Variants in OR2T6 observed in about 807,000 individuals in gnomAD.
OR2T6 encodes olfactory receptor 2T6.
For synonymous variants in OR2T6, 174 were observed against 148.0 expected, an observed-to-expected ratio of 1.18 and a Z score of -1.27; for missense variants, 424 against 391.6, an observed-to-expected ratio of 1.08 and a Z score of -0.70.
At chr1:248,385,219 C>G (rs1408138051) in intron 2 of OR2T6, among the ~76,000 whole-genome samples, 1 of 152,108 alleles carries the variant, frequency 6.6e-6, no homozygotes, top group African/African-American at 2.4e-5. Flanking sequence ...ATGTGCTGGC[C>G]AAAACCGAAG....
chr1:248,384,168 C>T (rs551940462), intron 1 of OR2T6, among the ~76,000 whole-genome samples: 2 of 56,850 alleles, frequency 3.5e-5, no homozygotes, highest in African/African-American at 2.3e-4. Flanking sequence ...CCTGAGTGTG[C>T]TCATCCTATC....
intron 1 of OR2T6, among the ~76,000 whole-genome samples, chr1:248,380,925 C>A (rs1361179851): frequency 2.6e-5 from 4 of 151,808 alleles, no homozygotes; most frequent in Non-Finnish European, 5.9e-5. Context: ...TTTATATATA[C>A]TATGTCATTC....
intron 2 of OR2T6, among the ~76,000 whole-genome samples, 171 bp downstream of exon 2, chr1:248,385,035 C>T (rs886791926): frequency 1.3e-5 from 2 of 152,190 alleles, no homozygotes; most frequent in South Asian, 4.1e-4. Flanking sequence ...CCTTCAAGAA[C>T]CTCCTTTGTT....
In OR2T6 at chr1:248,389,432, T is replaced by C. The variant is rs1661212071; in HGVS notation, c.*897T>C. 2.0e-5 allele frequency: 3 copies of C among 152,194 alleles called. No homozygotes were observed. The highest frequency in any genetic ancestry group is 1.9e-4 in the East Asian group (1 of 5,194). The allele number at this position is 152,194 out of a possible 1,614,324, so 9.4% of individuals were successfully genotyped here. A position where few individuals can be genotyped will look rare whatever the true frequency, so the allele number is the denominator to read the frequency against. On this transcript the variant is annotated 3_prime_UTR_variant, in exon 3 of 3. Coordinates refer to ENST00000641644, the MANE Select transcript of OR2T6 (RefSeq NM_001005471.2). ...CTTCTCTATAGCACTGGCTTTTGCA[T>C]TGGATAGCATTGCAAAGTGGGAAGG...
chr1:248,377,090 G>T (rs1660949327), intron 1 of OR2T6, among the ~76,000 whole-genome samples: 1 of 152,184 alleles, frequency 6.6e-6, no homozygotes, highest in Non-Finnish European at 1.5e-5. Context: ...TGTGATGGTT[G>T]GTTGGTCAGA....
chr1:248,388,432 C>T lies in OR2T6; in HGVS notation c.824C>T (p.Ser275Phe), dbSNP rs1480622972. 6.2e-7 allele frequency: 1 copy of T among 1,613,740 alleles called. No individual in the cohort carries two copies. The highest frequency in any genetic ancestry group is 1.1e-5 in the South Asian group (1 of 91,024). Reference sequence around the variant, plus strand: ...ACCCCAATCAAAGATAAGGTCTTCTCTGCCTTTTATACCATCCTCACACCC... The same window carrying T: ...ACCCCAATCAAAGATAAGGTCTTCTTTGCCTTTTATACCATCCTCACACCC... Reference protein sequence around the residue: ...YHTPIKDKVFSAFYTILTPLL... With the variant: ...YHTPIKDKVFFAFYTILTPLL... The change falls in exon 3 of 3, where the codon TCT (serine) becomes TTT (phenylalanine). Residue 275 changes from serine (S) to phenylalanine (F), a missense_variant. By Grantham distance (155) the Ser-to-Phe change is radical (BLOSUM62 -2). Coordinates refer to ENST00000641644, the MANE Select transcript of OR2T6 (RefSeq NM_001005471.2).
intron 2 of OR2T6, among the ~76,000 whole-genome samples, chr1:248,385,317 C>A (rs568368355): frequency 1.3e-5 from 2 of 152,070 alleles, no homozygotes; most frequent in Non-Finnish European, 2.9e-5. Context: ...AAAATTGAAT[C>A]GTTTCTGTGG....
rs1275388906 is a variant in OR2T6, at chr1:248,391,177, A to G, written c.*2642A>G. ...TGCTGATTTGGAAACTTATGTTCAC[A>G]GTAGATTTTTCATACATTCCAAAAC... On this transcript the variant is annotated 3_prime_UTR_variant, in exon 3 of 3. Transcript: ENST00000641644. 6.6e-6 allele frequency: 1 copy of G among 152,214 alleles called. No individual in the cohort carries two copies. Among genetic ancestry groups the G allele is most frequent in the Non-Finnish European group, 1.5e-5 (1 of 68,034 alleles). 9.4% of individuals were successfully genotyped at this position (152,214 alleles called of 1,614,324 possible).
Position 248,388,122 on chromosome 1 carries a change from C to T in OR2T6, c.514C>T (p.His172Tyr). 1 of 1,614,040 alleles carries T rather than the reference C, an allele frequency of 6.2e-7. No homozygotes were observed. Among genetic ancestry groups the T allele is most frequent in the Non-Finnish European group, 8.5e-7 (1 of 1,180,016 alleles). Residue 172 changes from histidine (H) to tyrosine (Y), a missense_variant, in exon 3 of 3, where the codon CAC (histidine) becomes TAC (tyrosine). Physicochemically the swap from His to Tyr is moderately conservative, Grantham distance 83. Coordinates refer to ENST00000641644, the MANE Select transcript of OR2T6 (RefSeq NM_001005471.2). ...ITMSLPFCAS[H>Y]QINHFFCEAP... ...CATGAGTCTCCCGTTCTGTGCCTCTCACCAAATCAATCACTTTTTCTGTGA... is the reference window on the plus strand; with the variant it reads ...CATGAGTCTCCCGTTCTGTGCCTCTTACCAAATCAATCACTTTTTCTGTGA...
Position 248,387,648 on chromosome 1 carries a change from C to T in OR2T6, c.40C>T (p.Leu14Phe). The change falls in exon 3 of 3, where the codon CTC (leucine) becomes TTC (phenylalanine). Residue 14 changes from leucine to phenylalanine, a missense_variant. Physicochemically the swap from Leu to Phe is conservative, Grantham distance 22 (BLOSUM62 0). Transcript: ENST00000641644. ...NNETLTRGFTLMGLFTHNKCS... is the reference protein window; with the variant it reads ...NNETLTRGFTFMGLFTHNKCS... Reference sequence around the variant, plus strand: ...TGAAACCTTGACCAGAGGCTTTACCCTCATGGGGCTCTTCACTCACAATAA... The same window carrying T: ...TGAAACCTTGACCAGAGGCTTTACCTTCATGGGGCTCTTCACTCACAATAA... The T allele has an allele frequency of 6.2e-7, 1 of 1,610,076 alleles. No homozygotes were observed. The highest frequency in any genetic ancestry group is 8.5e-7 in the Non-Finnish European group (1 of 1,176,918).
At position 248,388,536 on chromosome 1, in the gene OR2T6, G is replaced by A. The variant is rs1661191981; in HGVS notation, c.*1G>A. The stretch of plus-strand genomic sequence containing the variant: ...GAAGAGAGTTGTGGCAAGATGTTAG[G>A]GGACATGTGGTGTGATGAGGAAAGA... On this transcript the variant is annotated 3_prime_UTR_variant, in exon 3 of 3. Transcript: ENST00000641644. The A allele has an allele frequency of 1.3e-6, 2 of 1,555,778 alleles. No individual in the cohort carries two copies. Among genetic ancestry groups the A allele is most frequent in the Non-Finnish European group, 8.7e-7 (1 of 1,152,756 alleles).
intron 2 of OR2T6, among the ~76,000 whole-genome samples, chr1:248,386,968 C>T (rs1299432113): frequency 1.3e-5 from 2 of 152,124 alleles, no homozygotes; most frequent in Non-Finnish European, 2.9e-5. Flanking sequence ...ACTACAGTAT[C>T]CCCAGAGCTT....
At chr1:248,382,575 C>T (rs1661054661) in intron 1 of OR2T6, among the ~76,000 whole-genome samples, 3 of 141,814 alleles carry the variant, frequency 2.1e-5, no homozygotes, top group African/African-American at 7.9e-5. Context: ...CTTTGTTGCC[C>T]AGGCTGGAGT....
Position 248,387,742 on chromosome 1 carries a change from T to C in OR2T6, c.134T>C (p.Met45Thr), listed in dbSNP as rs549952457. 8.1e-6 allele frequency: 13 copies of C among 1,613,272 alleles called. No homozygotes were observed. In the African/African-American group the frequency reaches 9.3e-5, roughly 12 times the overall value. The change falls in exon 3 of 3, where the codon ATG (methionine) becomes ACG (threonine). Residue 45 changes from methionine to threonine, a missense_variant. Physicochemically the swap from Met to Thr is moderately conservative, Grantham distance 81 (BLOSUM62 -1). Coordinates refer to ENST00000641644, the MANE Select transcript of OR2T6 (RefSeq NM_001005471.2). Reference protein sequence around the residue: ...FFMAMIANGVMIFLINIDPHL... With the variant: ...FFMAMIANGVTIFLINIDPHL... ...ATGGCCATGATAGCTAATGGGGTCA[T>C]GATCTTCCTGATTAACATAGACCCT...
At chr1:248,377,792 C>T (rs1660961670) in intron 1 of OR2T6, among the ~76,000 whole-genome samples, 1 of 152,206 alleles carries the variant, frequency 6.6e-6, no homozygotes, top group Non-Finnish European at 1.5e-5. Context: ...CTCCTGATTG[C>T]TCTACCTTGA....
chr1:248,379,951 G>A (rs1316743901), intron 1 of OR2T6, among the ~76,000 whole-genome samples: 2 of 151,926 alleles, frequency 1.3e-5, no homozygotes, highest in African/African-American at 2.4e-5. Flanking sequence ...TGCCATGTTG[G>A]TGTGCTGCAC....
chr1:248,390,857 C>T lies in OR2T6; in HGVS notation c.*2322C>T, dbSNP rs1360032358. The stretch of plus-strand genomic sequence containing the variant: ...TACAATGCTTCTGAGGACCAACTTT[C>T]TTTTTTATAAAATTTGACTTAATAC... On this transcript the variant is annotated 3_prime_UTR_variant, in exon 3 of 3. Transcript: ENST00000641644. 6.6e-6 allele frequency: 1 copy of T among 152,120 alleles called. No homozygotes were observed. Among genetic ancestry groups the T allele is most frequent in the Non-Finnish European group, 1.5e-5 (1 of 68,014 alleles). The allele number at this position is 152,120 out of a possible 1,614,324, so 9.4% of individuals were successfully genotyped here. A position where few individuals can be genotyped will look rare whatever the true frequency, so the allele number is the denominator to read the frequency against.
At chr1:248,379,316 G>C (rs1405414319) in intron 1 of OR2T6, among the ~76,000 whole-genome samples, 1 of 152,212 alleles carries the variant, frequency 6.6e-6, no homozygotes, top group Non-Finnish European at 1.5e-5. Flanking sequence ...TAAGTGACCT[G>C]AGACCTGGGT....
intron 1 of OR2T6, among the ~76,000 whole-genome samples, chr1:248,377,405 A>G (rs922524846): frequency 6.6e-6 from 1 of 152,246 alleles, no homozygotes; most frequent in Non-Finnish European, 1.5e-5. Context: ...ACCACCTAAT[A>G]CATACAAGGC....
Sources: gnomAD v4.1 joint callset for allele counts (sites outside exome capture counted in the v4.1 genomes callset) on GRCh38, gnomAD v4.1.1 for gene constraint, MANE v1.5 for transcripts, NCBI Gene and HGNC (gene_info 2026-07-23, HGNC 2026-07-21) for gene names.